The following LOC400499 variants were observed in gnomAD, a reference collection of about 807,000 sequenced individuals.
At chr16:11,435,122 G>C in the LOC400499 span, among the ~76,000 whole-genome samples, 53 of 151,794 alleles carry the variant, frequency 3.5e-4, no homozygotes, top group Admixed American at 3.3e-4. Context: ...TGGGACTACA[G>C]GTGCATGCCA....
the LOC400499 span, among the ~76,000 whole-genome samples, chr16:11,484,035 T>C: frequency 1.8e-5 from 2 of 108,312 alleles, no homozygotes; most frequent in Non-Finnish European, 3.4e-5. Context: ...TGAGACAGAC[T>C]CTCGCTCTGT....
chr16:11,478,245 C>G, the LOC400499 span, among the ~76,000 whole-genome samples: 1 of 151,048 alleles, frequency 6.6e-6, no homozygotes, highest in Non-Finnish European at 1.5e-5. Context: ...CCAGGCTGGT[C>G]TCAAACTCCT....
chr16:11,457,167 G>A, the LOC400499 span: 3 of 869,444 alleles, frequency 3.5e-6, no homozygotes, highest in Admixed American at 6.2e-5. Flanking sequence ...CAACGGGAGT[G>A]GAACGCAGTC....
chr16:11,415,651 G>A, the LOC400499 span, among the ~76,000 whole-genome samples: 1 of 152,202 alleles, frequency 6.6e-6, no homozygotes, highest in Non-Finnish European at 1.5e-5. Flanking sequence ...CCGGCTGTCA[G>A]AGATACCAAG....
the LOC400499 span, among the ~76,000 whole-genome samples, chr16:11,503,365 A>G: frequency 6.6e-6 from 1 of 152,176 alleles, no homozygotes; most frequent in Non-Finnish European, 1.5e-5. Context: ...GGAGATGTTT[A>G]GTTTGGAAAA....
At chr16:11,453,582 T>C in the LOC400499 span, among the ~76,000 whole-genome samples, 6 of 151,550 alleles carry the variant, frequency 4.0e-5, no homozygotes, top group Middle Eastern at 3.2e-3. Flanking sequence ...TATAAGATAA[T>C]CCAAAATAAA....
the LOC400499 span, among the ~76,000 whole-genome samples, chr16:11,501,172 C>T: frequency 1.4e-4 from 22 of 151,968 alleles, no homozygotes; most frequent in African/African-American, 4.1e-4. Context: ...GCCCAGACCC[C>T]GGCAGCTCTA....
At chr16:11,499,658 G>T in the LOC400499 span, among the ~76,000 whole-genome samples, 128 of 152,222 alleles carry the variant, frequency 8.4e-4, no homozygotes, top group Non-Finnish European at 1.5e-3. Context: ...AGCTCCAGGG[G>T]CTCTCAGATC....
chr16:11,511,187 G>A, the LOC400499 span, among the ~76,000 whole-genome samples: 88,243 of 150,830 alleles, frequency 0.59, 26,413 homozygotes, highest in Admixed American at 0.66. Flanking sequence ...TCACAGTGAT[G>A]GGGTTTCGTC....
At chr16:11,501,113 G>GA in the LOC400499 span, 15 of 395,238 alleles carry the variant, frequency 3.8e-5, no homozygotes, top group Admixed American at 4.9e-4. Flanking sequence ...CCCGGGTCTG[G>GA]GACCCCGCAG....
chr16:11,526,998 G>A, the LOC400499 span, among the ~76,000 whole-genome samples: 3 of 152,206 alleles, frequency 2.0e-5, no homozygotes, highest in African/African-American at 4.8e-5. Context: ...AGGTGGCAGC[G>A]GAAAGGCAGG....
the LOC400499 span, among the ~76,000 whole-genome samples, chr16:11,408,535 G>A: frequency 6.8e-6 from 1 of 147,406 alleles, no homozygotes; most frequent in Non-Finnish European, 1.5e-5. Flanking sequence ...TGTGAACACA[G>A]CTTACTGCAG....
At chr16:11,383,942 C>A in the LOC400499 span, 1 of 1,231,918 alleles carries the variant, frequency 8.1e-7, no homozygotes, top group Non-Finnish European at 1.0e-6. Context: ...GCCCAGCAGG[C>A]GGGGAGCTGT....
At chr16:11,377,626 A>G in the LOC400499 span, among the ~76,000 whole-genome samples, 1 of 152,196 alleles carries the variant, frequency 6.6e-6, no homozygotes, top group Non-Finnish European at 1.5e-5. Context: ...TTTATATGGT[A>G]ACCATCTTTG....
At chr16:11,461,110 T>C in the LOC400499 span, 1 of 1,535,022 alleles carries the variant, frequency 6.5e-7, no homozygotes, top group Admixed American at 2.0e-5. Flanking sequence ...CTCCTTCCTC[T>C]CCAGCAGTGC....
the LOC400499 span, chr16:11,384,843 G>T: frequency 8.1e-7 from 1 of 1,231,168 alleles, no homozygotes; most frequent in South Asian, 4.1e-5. Context: ...GCATCCCAAA[G>T]AGTCCGCTGT....
chr16:11,372,799 T>C, the LOC400499 span: 3 of 792,318 alleles, frequency 3.8e-6, no homozygotes, highest in African/African-American at 5.7e-5. Context: ...GGGCCCCTGC[T>C]GTTTCCTGAA....
the LOC400499 span, chr16:11,390,201 G>C: frequency 4.1e-6 from 5 of 1,232,362 alleles, no homozygotes; most frequent in African/African-American, 1.6e-5. Flanking sequence ...CTGTTGGGCG[G>C]CCTGGAGAGG....
the LOC400499 span, among the ~76,000 whole-genome samples, chr16:11,452,817 T>G: frequency 7.9e-5 from 12 of 152,242 alleles, no homozygotes; most frequent in African/African-American, 2.9e-4. Flanking sequence ...GGGCAACTGC[T>G]TTAGGCCATT....
Sources: allele counts gnomAD v4.1 joint callset (sites outside exome capture counted in the v4.1 genomes callset), GRCh38; gene constraint gnomAD v4.1.1; transcripts MANE v1.5.